Variants in DLGAP4 observed in about 807,000 individuals in gnomAD.
The protein encoded by DLGAP4 is DLG associated protein 4.
In DLGAP4, 18 loss-of-function variants were observed where a neutral mutation model predicts 86.9. That is an observed-to-expected ratio of 0.21 (90% CI 0.14 to 0.31). The LOEUF (loss-of-function observed/expected upper bound fraction) is 0.31, where lower values mean the gene tolerates loss of function less well. Ranked by LOEUF, DLGAP4 falls within the 10% of genes least tolerant of loss-of-function variation. DLGAP4 has a pLI of 1.00. For missense variants in DLGAP4, 1,085 were observed against 1,362.6 expected (o/e 0.80, Z 3.21); for synonymous variants, 548 against 574.3 (o/e 0.95, Z 0.65).
chr20:36,446,592 G>C lies in DLGAP4; in HGVS notation c.1408-105G>C. 3.6e-6 allele frequency: 4 copies of C among 1,101,692 alleles called. No homozygotes were observed. The South Asian group carries it at 6.0e-5, about 17-fold the overall frequency. 68.2% of individuals were successfully genotyped at this position (1,101,692 alleles called of 1,614,324 possible). On this transcript the variant is annotated intron_variant, in intron 6 of 12. Coordinates refer to ENST00000339266, the MANE Select transcript of DLGAP4 (RefSeq NM_001365621.2). ...GATGGACAGGGGTGGGCTGAGGTCAGACCCCACAGACTGTCCAGCCCTGCC... is the reference window on the plus strand; with the variant it reads ...GATGGACAGGGGTGGGCTGAGGTCACACCCCACAGACTGTCCAGCCCTGCC...
chr20:36,343,576 C>T (rs922350480), intron 1 of DLGAP4, among the ~76,000 whole-genome samples: 5 of 152,174 alleles, frequency 3.3e-5, no homozygotes, highest in African/African-American at 9.7e-5. Flanking sequence ...GTGAAAGCTG[C>T]ACCTCCTCAA....
At chr20:36,327,596 T>TTC (rs1555891098) in intron 1 of DLGAP4, among the ~76,000 whole-genome samples, 1 of 147,410 alleles carries the variant, frequency 6.8e-6, no homozygotes, top group African/African-American at 2.5e-5. Context: ...AATTCTTTTT[T>TTC]TTTTTTTTTT....
intron 2 of DLGAP4, among the ~76,000 whole-genome samples, chr20:36,404,371 T>C (rs2032250581): frequency 6.6e-6 from 1 of 152,100 alleles, no homozygotes; most frequent in African/African-American, 2.4e-5. Context: ...AGGCCTGTGG[T>C]CACCCCCAAA....
At chr20:36,407,766 C>T (rs1405847633) in intron 2 of DLGAP4, among the ~76,000 whole-genome samples, 2 of 152,098 alleles carry the variant, frequency 1.3e-5, no homozygotes, top group African/African-American at 4.8e-5. Context: ...GCAGAGGAAA[C>T]ACACAAACAG....
At chr20:36,411,162 G>T (rs564072879) in intron 2 of DLGAP4, among the ~76,000 whole-genome samples, 13 of 152,236 alleles carry the variant, frequency 8.5e-5, no homozygotes, top group African/African-American at 3.1e-4. Context: ...GCTAATTTTT[G>T]TATTTTTAGT....
At chr20:36,512,143 C>T (rs537309239) in intron 10 of DLGAP4, among the ~76,000 whole-genome samples, 4 of 150,294 alleles carry the variant, frequency 2.7e-5, no homozygotes, top group East Asian at 2.0e-4. Flanking sequence ...CTCCACCTCC[C>T]GGATTCATGC....
intron 2 of DLGAP4, among the ~76,000 whole-genome samples, chr20:36,429,317 A>T (rs1702768): frequency 0.4 from 60,398 of 150,480 alleles, 12,358 homozygotes; most frequent in East Asian, 0.6. Flanking sequence ...ACCTCAAGTG[A>T]TCTGCCCTGC....
chr20:36,343,107 T>A (rs2065400451), intron 1 of DLGAP4, among the ~76,000 whole-genome samples: 1 of 142,450 alleles, frequency 7.0e-6, no homozygotes, highest in South Asian at 2.1e-4. Flanking sequence ...TTGGGCCTTT[T>A]CCTAAGTGCC....
rs1555901706 is a variant in DLGAP4, at chr20:36,432,224, C to T, written c.507C>T (p.Ser169=). 2 of 1,613,982 alleles carry T rather than the reference C, an allele frequency of 1.2e-6. No homozygotes were observed. The highest frequency in any genetic ancestry group is 2.2e-5 in the South Asian group (2 of 91,078). The change falls in exon 3 of 13, where the codon AGC becomes AGT. Residue 169 remains serine, a synonymous_variant. Coordinates refer to ENST00000339266, the MANE Select transcript of DLGAP4 (RefSeq NM_001365621.2). The surrounding 1 kb of genome is among the most constrained non-coding windows in gnomAD (Gnocchi z 6.5). Reference sequence around the variant, plus strand: ...CGGGCAAGGTCGGTGGCAATGGCAGCAAGAAGGGTGGCATGGAGGACGGCA... The same window carrying T: ...CGGGCAAGGTCGGTGGCAATGGCAGTAAGAAGGGTGGCATGGAGGACGGCA... The part of the protein sequence containing the change: ...GTAGKVGGNG[S]KKGGMEDGKG...
chr20:36,348,872 G>A (rs2030035082), intron 1 of DLGAP4, among the ~76,000 whole-genome samples: 1 of 150,872 alleles, frequency 6.6e-6, no homozygotes, highest in Non-Finnish European at 1.5e-5. Context: ...AGGCCGATGT[G>A]GGTGGATCAC....
intron 7 of DLGAP4, among the ~76,000 whole-genome samples, chr20:36,448,581 G>C (rs1394344474): frequency 2.0e-5 from 3 of 152,174 alleles, no homozygotes; most frequent in African/African-American, 7.2e-5. Context: ...GTAGAAGCTT[G>C]GTAAGTGGTA....
rs770121936 is a variant in DLGAP4, at chr20:36,431,677, C to A, written c.-41C>A. 2 of 1,523,728 alleles carry A rather than the reference C, an allele frequency of 1.3e-6. No individual in the cohort carries two copies. Among genetic ancestry groups the A allele is most frequent in the Non-Finnish European group, 1.8e-6 (2 of 1,135,986 alleles). 94.4% of individuals were successfully genotyped at this position (1,523,728 alleles called of 1,614,324 possible). Reference sequence around the variant, plus strand: ...TGCCGCCCGGGAGAGGTGACCCGGGCGCCCTGCTAGGGTGAAGGCCCCTGC... The same window carrying A: ...TGCCGCCCGGGAGAGGTGACCCGGGAGCCCTGCTAGGGTGAAGGCCCCTGC... On this transcript the variant is annotated 5_prime_UTR_variant, in exon 3 of 13. Transcript: ENST00000339266. This position sits in a 1 kb window ranked among gnomAD's most constrained non-coding sequence, Gnocchi z 5.1.
chr20:36,421,548 T>G (rs1386546871), intron 2 of DLGAP4, among the ~76,000 whole-genome samples: 7 of 150,690 alleles, frequency 4.6e-5, no homozygotes, highest in Non-Finnish European at 7.4e-5. Flanking sequence ...TGAGAGATAG[T>G]GGGGACTCGG....
intron 10 of DLGAP4, chr20:36,508,419 G>GTTTTTTTTTTTTTTTTTTT (rs1569523131): frequency 1.5e-4 from 20 of 134,592 alleles, no homozygotes; most frequent in African/African-American, 5.7e-4. Flanking sequence ...ATGTTTCAGG[G>GTTTTTTTTTTTTTTTTTTT]TTCTTTTTTT....
intron 10 of DLGAP4, among the ~76,000 whole-genome samples, chr20:36,510,703 G>C (rs892093435): frequency 3.3e-5 from 5 of 151,972 alleles, no homozygotes; most frequent in African/African-American, 1.2e-4. Context: ...GAGCCACTGC[G>C]CCCAGCTGAC....
chr20:36,373,627 A>G (rs1357631822), intron 2 of DLGAP4, among the ~76,000 whole-genome samples: 1 of 152,144 alleles, frequency 6.6e-6, no homozygotes, highest in Admixed American at 6.5e-5. Context: ...GTAGGCTATG[A>G]CCTAAAGTAG....
intron 1 of DLGAP4, among the ~76,000 whole-genome samples, chr20:36,335,900 C>A (rs1015676337): frequency 1.3e-5 from 2 of 152,138 alleles, no homozygotes; most frequent in African/African-American, 4.8e-5. Flanking sequence ...GACTTGTTGA[C>A]TCCCAGGGGT....
chr20:36,383,554 A>G (rs1436185452), intron 2 of DLGAP4, among the ~76,000 whole-genome samples: 1 of 152,014 alleles, frequency 6.6e-6, no homozygotes, highest in African/African-American at 2.4e-5. Context: ...CTCTTGGCCT[A>G]TGAAGATGGG....
chr20:36,501,728 TGGAGGGG>T (rs2147781829), intron 10 of DLGAP4, among the ~76,000 whole-genome samples: 1 of 152,244 alleles, frequency 6.6e-6, no homozygotes, highest in East Asian at 1.9e-4. Flanking sequence ...CCATACATGA[TGGAGGGG>T]GCCCTGAGGA....
Sources: gnomAD v4.1 joint callset for allele counts (sites outside exome capture counted in the v4.1 genomes callset) on GRCh38, gnomAD v4.1.1 for gene constraint, Gnocchi (gnomAD v3.1) non-coding constraint, MANE v1.5 for transcripts, NCBI Gene and HGNC (gene_info 2026-07-23, HGNC 2026-07-21) for gene names.